The following EFNB2 variants were observed in gnomAD, a reference collection of about 807,000 sequenced individuals.
The protein encoded by EFNB2 is ephrin B2, also known as ephrin-B2.
Under a neutral mutation model 32.1 loss-of-function variants are expected in EFNB2, and 5 were observed. The observed-to-expected ratio is 0.16, with a 90% CI of 0.08 to 0.33. The LOEUF (loss-of-function observed/expected upper bound fraction) is 0.33. EFNB2 is among the 10% of genes least tolerant of loss of function. The pLI is 1.00. For synonymous variants in EFNB2, 168 were observed against 166.5 expected (o/e 1.01, Z -0.07); for missense variants, 263 against 422.6 (o/e 0.62, Z 3.31).
intron 1 of EFNB2, among the ~76,000 whole-genome samples, chr13:106,526,931 A>G (rs548989628): frequency 6.6e-6 from 1 of 152,364 alleles, no homozygotes; most frequent in East Asian, 1.9e-4. Context: ...GGTGCCCCGC[A>G]GGGAATGTGG....
rs546856543 is a variant in EFNB2, at chr13:106,520,894, C to T, written c.123-8082G>A. On this transcript the variant is annotated intron_variant, in intron 1 of 4. Coordinates refer to ENST00000646441, the MANE Select transcript of EFNB2 (RefSeq NM_004093.4). ...GTAGCGATAGGGTGTCAGGTTTATA[C>T]GGAATTAGGTTACCAGATACTACTG... 2.6e-5 allele frequency: 4 copies of T among 152,156 alleles called. No homozygotes were observed. The East Asian group carries it at 5.8e-4, about 22-fold the overall frequency. 9.4% of individuals were successfully genotyped at this position (152,156 alleles called of 1,614,324 possible).
intron 2 of EFNB2, among the ~76,000 whole-genome samples, chr13:106,510,728 C>CTAAG (rs1179909344): frequency 6.6e-6 from 1 of 151,040 alleles, no homozygotes; most frequent in Non-Finnish European, 1.5e-5. Flanking sequence ...AAAGTCTTTA[C>CTAAG]TAAGGCCAGG....
intron 1 of EFNB2, among the ~76,000 whole-genome samples, 196 bp from the exon 2 acceptor site, chr13:106,513,008 AAGAC>A (rs1244990123): frequency 2.0e-5 from 3 of 152,198 alleles, no homozygotes; most frequent in Non-Finnish European, 4.4e-5. Flanking sequence ...AGAAAAAGGA[AAGAC>A]AGAAAGAAAC....
intron 2 of EFNB2, among the ~76,000 whole-genome samples, chr13:106,509,631 G>C (rs1381271519): frequency 6.0e-5 from 1 of 16,538 alleles, no homozygotes; most frequent in Non-Finnish European, 1.2e-4. Context: ...GCTTGACTGT[G>C]TGTGTGTGTG....
At position 106,504,449 on chromosome 13, in the gene EFNB2, G is replaced by A. The variant is rs139318685; in HGVS notation, c.406+8080C>T. On this transcript the variant is annotated intron_variant, in intron 2 of 4. Coordinates refer to ENST00000646441, the MANE Select transcript of EFNB2 (RefSeq NM_004093.4). ...TGGACATCACAGCTTAGATGGACAT[G>A]TTGTTTGCTTTGACCATCTAGAGAC... Among the ~76,000 whole-genome samples, 638 of 152,316 alleles carry A rather than the reference G, an allele frequency of 4.2e-3. 5 individuals carry two copies. Among genetic ancestry groups the A allele is most frequent in the African/African-American group, 0.014 (597 of 41,560 alleles).
rs1165055706 is a variant in EFNB2, at chr13:106,489,944, C to T, written c.*3096G>A. On this transcript the variant is annotated 3_prime_UTR_variant, in exon 5 of 5. Coordinates refer to ENST00000646441, the MANE Select transcript of EFNB2 (RefSeq NM_004093.4). ...ATAACTCAGGCATAATACTGTGTTA[C>T]TTACAAATTGGACAACGAAATTTTA... The T allele has an allele frequency of 6.6e-6, 1 of 152,508 alleles. No homozygotes were observed. Among genetic ancestry groups the T allele is most frequent in the Non-Finnish European group, 1.5e-5 (1 of 68,008 alleles). The allele number at this position is 152,508 out of a possible 1,614,324, so 9.4% of individuals were successfully genotyped here.
intron 1 of EFNB2, among the ~76,000 whole-genome samples, chr13:106,533,948 A>G (rs1213642993): frequency 6.6e-6 from 1 of 152,186 alleles, no homozygotes; most frequent in Non-Finnish European, 1.5e-5. Flanking sequence ...TGGTGGCCCA[A>G]ACTGAAAGTT....
chr13:106,499,940 G>A (rs998452913), intron 2 of EFNB2, among the ~76,000 whole-genome samples: 1 of 152,106 alleles, frequency 6.6e-6, no homozygotes, highest in Non-Finnish European at 1.5e-5. Context: ...AGTTCCTTGC[G>A]TTCACATCGT....
intron 1 of EFNB2, among the ~76,000 whole-genome samples, chr13:106,528,341 G>A (rs1394858458): frequency 6.6e-6 from 1 of 152,098 alleles, no homozygotes; most frequent in Non-Finnish European, 1.5e-5. Context: ...GCCCCAAACA[G>A]ATGCTCAAGT....
At chr13:106,494,726 T>C (rs1878532698) in intron 4 of EFNB2, among the ~76,000 whole-genome samples, 155 bp downstream of exon 4, 2 of 152,246 alleles carry the variant, frequency 1.3e-5, no homozygotes, top group Non-Finnish European at 2.9e-5. Context: ...TGAGTGTAAT[T>C]AATAATGACT....
Position 106,494,908 on chromosome 13 carries a change from T to C in EFNB2, c.586A>G (p.Thr196Ala). ...GGATTTGGTTTTACAAAGGGACTTG[T>C]TGTCGAACTTCTTCCATTTGTACCA... ...EAGTNGRSST[T>A]SPFVKPNPGS... is the part of the protein sequence containing the mutation. Residue 196 changes from threonine (T) to alanine (A), a missense_variant, in exon 4 of 5, where the codon ACA (threonine) becomes GCA (alanine). By Grantham distance (58) the Thr-to-Ala change is moderately conservative. Coordinates refer to ENST00000646441, the MANE Select transcript of EFNB2 (RefSeq NM_004093.4). The C allele has an allele frequency of 1.2e-6, 2 of 1,614,200 alleles. No individual in the cohort carries two copies. Among genetic ancestry groups the C allele is most frequent in the Non-Finnish European group, 1.7e-6 (2 of 1,180,012 alleles).
At position 106,494,140 on chromosome 13, in the gene EFNB2, T is replaced by A. The variant is rs561850536; in HGVS notation, c.614-712A>T. 3.4e-3 allele frequency among the ~76,000 whole-genome samples: 520 copies of A among 152,292 alleles called. 2 individuals are homozygous for A. The highest frequency in any genetic ancestry group is 0.012 in the African/African-American group (503 of 41,558). On this transcript the variant is annotated intron_variant, in intron 4 of 4. Coordinates refer to ENST00000646441, the MANE Select transcript of EFNB2 (RefSeq NM_004093.4). ...TCATTGAAAGTTAGAAATAACAACT[T>A]CCCTCCTTGACTCTTGGAAAGGGAT...
intron 3 of EFNB2, 51 bp downstream of exon 3, chr13:106,495,696 TG>T: frequency 6.4e-7 from 1 of 1,558,270 alleles, no homozygotes; most frequent in Non-Finnish European, 8.8e-7. Flanking sequence ...CCATACTAGC[TG>T]GGGGCTACAC....
chr13:106,521,436 T>C (rs1879516412), intron 1 of EFNB2: 1 of 152,200 alleles, frequency 6.6e-6, no homozygotes, highest in Admixed American at 6.5e-5. Flanking sequence ...GAAAGTTTTA[T>C]TTGTCAAACT....
In EFNB2 at chr13:106,492,909, A is replaced by G; in HGVS notation, c.*131T>C. 8.0e-7 allele frequency: 1 copy of G among 1,254,842 alleles called. No homozygotes were observed. Among genetic ancestry groups the G allele is most frequent in the Non-Finnish European group, 1.1e-6 (1 of 915,542 alleles). The allele number at this position is 1,254,842 out of a possible 1,614,324, so 77.7% of individuals were successfully genotyped here. On this transcript the variant is annotated 3_prime_UTR_variant, in exon 5 of 5. Transcript: ENST00000646441. This position sits in a 1 kb window ranked among gnomAD's most constrained non-coding sequence, Gnocchi z 5.1. ...CTGTCCAGCGCGACGGGCTCTTCCGAGGAGGAGTGTCCCTCTCCCCCGGTG... is the reference window on the plus strand; with the variant it reads ...CTGTCCAGCGCGACGGGCTCTTCCGGGGAGGAGTGTCCCTCTCCCCCGGTG...
chr13:106,524,340 C>G lies in EFNB2; in HGVS notation c.122+10503G>C, dbSNP rs538771268. 3.3e-3 allele frequency among the ~76,000 whole-genome samples: 495 copies of G among 152,304 alleles called. 1 individual carries two copies. The highest frequency in any genetic ancestry group is 5.8e-3 in the Non-Finnish European group (393 of 68,030). On this transcript the variant is annotated intron_variant, in intron 1 of 4. Transcript: ENST00000646441. ...AGACTACTCCATGCAACAGCATAAG[C>G]AGGAGGCAGAAGATTAAAAGAGGGA...
rs1880045832 is a variant in EFNB2 at position 106,535,440 on chromosome 13, T to A, written c.-476A>T. On this transcript the variant is annotated 5_prime_UTR_variant, in exon 1 of 5. Coordinates refer to ENST00000646441, the MANE Select transcript of EFNB2 (RefSeq NM_004093.4). ...CGCGCGGGCGCCGCGTCGGCGCGGT[T>A]CCATGTCCCGGAGCACGGAGCGGAG... 1 of 149,816 alleles carries A rather than the reference T, an allele frequency of 6.7e-6. No individual in the cohort carries two copies. Among genetic ancestry groups the A allele is most frequent in the Non-Finnish European group, 1.5e-5 (1 of 67,424 alleles). The allele number at this position is 149,816 out of a possible 1,614,324, so 9.3% of individuals were successfully genotyped here.
rs375014995 is a variant in EFNB2 at position 106,529,203 on chromosome 13, C to T, written c.122+5640G>A. 5.3e-5 allele frequency among the ~76,000 whole-genome samples: 8 copies of T among 152,096 alleles called. No homozygotes were observed. The East Asian group carries it at 5.8e-4, about 11-fold the overall frequency. On this transcript the variant is annotated intron_variant, in intron 1 of 4. Transcript: ENST00000646441. Reference sequence around the variant, plus strand: ...GAAAAGATGGCTGAAATCAAAAGGTCTCTGTTTTCTTTTCAGATAACCCCA... The same window carrying T: ...GAAAAGATGGCTGAAATCAAAAGGTTTCTGTTTTCTTTTCAGATAACCCCA...
At position 106,535,207 on chromosome 13, in the gene EFNB2, G is replaced by C. The variant is rs1594182522; in HGVS notation, c.-243C>G. On this transcript the variant is annotated 5_prime_UTR_variant, in exon 1 of 5. Coordinates refer to ENST00000646441, the MANE Select transcript of EFNB2 (RefSeq NM_004093.4). Reference sequence around the variant, plus strand: ...GGCGGCGCGGCGGACTCGGGGTTCCGGGGCGCCGCGCCGGACGCAGCTCGG... The same window carrying C: ...GGCGGCGCGGCGGACTCGGGGTTCCCGGGCGCCGCGCCGGACGCAGCTCGG... 2 of 162,384 alleles carry C rather than the reference G, an allele frequency of 1.2e-5. No homozygotes were observed. Among genetic ancestry groups the C allele is most frequent in the South Asian group, 3.8e-4 (2 of 5,238 alleles). 10.1% of individuals were successfully genotyped at this position (162,384 alleles called of 1,614,324 possible).
Sources: allele counts gnomAD v4.1 joint callset (sites outside exome capture counted in the v4.1 genomes callset), GRCh38; gene constraint gnomAD v4.1.1; non-coding constraint Gnocchi (gnomAD v3.1); transcripts MANE v1.5; gene names NCBI Gene and HGNC (gene_info 2026-07-23, HGNC 2026-07-21).